AKAP8: variants seen among roughly 807,000 people sequenced by gnomAD.
The protein encoded by AKAP8 is A-kinase anchoring protein 8, also known as A-kinase anchor protein 8.
Under a neutral mutation model 67.5 loss-of-function variants are expected in AKAP8, and 24 were observed. The observed-to-expected ratio is 0.36, with a 90% CI of 0.26 to 0.50. The LOEUF (loss-of-function observed/expected upper bound fraction) is 0.50, where lower values mean the gene tolerates loss of function less well. Among genes scored for constraint, AKAP8 ranks in the 20% least tolerant of loss-of-function variants. The probability of loss-of-function intolerance (pLI) is 0.97; values close to 1 mark genes in which losing one functional copy is unlikely to be tolerated. For synonymous variants in AKAP8, 400 were observed against 371.1 expected, an observed-to-expected ratio of 1.08 and a Z score of -0.90; for missense variants, 971 against 955.9, an observed-to-expected ratio of 1.02 and a Z score of -0.21.
At chr19:15,356,526 G>A (rs1386495371) in intron 13 of AKAP8, among the ~76,000 whole-genome samples, 1 of 152,124 alleles carries the variant, frequency 6.6e-6, no homozygotes, top group African/African-American at 2.4e-5. Flanking sequence ...CACTTTGGGA[G>A]GCTGGGGCTG....
chr19:15,368,584 C>G, intron 8 of AKAP8: 1 of 985,278 alleles, frequency 1.0e-6, no homozygotes, highest in South Asian at 4.7e-5. Context: ...GCCTGCCCAC[C>G]CCATGTGCAC....
In AKAP8 at chr19:15,376,511, T is replaced by C. The variant is rs148020625; in HGVS notation, c.58+465A>G. On this transcript the variant is annotated intron_variant, in intron 2 of 13. Coordinates refer to ENST00000269701, the MANE Select transcript of AKAP8 (RefSeq NM_005858.4). ...AGAAAAAAAAATCATACTAATGAGATTTTTAGTACACTCACTACAGGTGTA... is the reference window on the plus strand; with the variant it reads ...AGAAAAAAAAATCATACTAATGAGACTTTTAGTACACTCACTACAGGTGTA... 5.9e-3 allele frequency among the ~76,000 whole-genome samples: 899 copies of C among 152,146 alleles called. 15 individuals carry two copies. Among genetic ancestry groups the C allele is most frequent in the African/African-American group, 0.021 (853 of 41,500 alleles).
intron 2 of AKAP8, among the ~76,000 whole-genome samples, chr19:15,374,892 C>T (rs953944286): frequency 1.3e-5 from 2 of 152,210 alleles, no homozygotes; most frequent in African/African-American, 4.8e-5. Context: ...CGCACGCTCC[C>T]CAGGAAGCTC....
Position 15,379,716 on chromosome 19 carries a change from C to T in AKAP8, c.16G>A (p.Gly6Arg), listed in dbSNP as rs1416686206. The change falls in exon 1 of 14, where the codon GGA (glycine) becomes AGA (arginine). Residue 6 changes from glycine to arginine, a missense_variant. Physicochemically the swap from Gly to Arg is moderately radical, Grantham distance 125. Around this residue, in one of 3 missense-constraint regions of AKAP8, gnomAD observed 763 missense variants for 745.4 expected, o/e 1.02. Coordinates refer to ENST00000269701, the MANE Select transcript of AKAP8 (RefSeq NM_005858.4). Reference protein sequence around the residue: MDQGYGGYGAWSAGPA... With the variant: MDQGYRGYGAWSAGPA... ...GCACCCAGCAGCCAACACAAACCTC[C>T]GTAGCCCTGGTCCATGTCTTCGACG... is the stretch of plus-strand genomic sequence containing the variant. The T allele has an allele frequency of 1.9e-6, 3 of 1,611,582 alleles. No individual in the cohort carries two copies. The highest frequency in any genetic ancestry group is 1.3e-5 in the African/African-American group (1 of 74,818).
At chr19:15,370,280 A>G in intron 7 of AKAP8, 101 bp from the exon 8 acceptor site, 1 of 1,374,504 alleles carries the variant, frequency 7.3e-7, no homozygotes, top group Non-Finnish European at 1.0e-6. Flanking sequence ...AGTCTCACCC[A>G]AGACCTAGGT....
At position 15,372,879 on chromosome 19, in the gene AKAP8, G is replaced by A. The variant is rs533862171; in HGVS notation, c.833C>T (p.Ser278Leu). The change falls in exon 5 of 14, where the codon TCG (serine) becomes TTG (leucine). Residue 278 changes from serine (S) to leucine (L), a missense_variant. Transcript: ENST00000269701. ...DSTMPYGCGR[S>L]QPRMRDRDRP... ...ATCCCGATCCCGCATCCGAGGCTGC[G>A]AGCGGCCACATCCGTAGGGCATGGT... 8.7e-6 allele frequency: 13 copies of A among 1,501,536 alleles called. No homozygotes were observed. Among genetic ancestry groups the A allele is most frequent in the Middle Eastern group, 1.8e-4 (1 of 5,542 alleles). 93.0% of individuals were successfully genotyped at this position (1,501,536 alleles called of 1,614,324 possible).
chr19:15,367,062 C>T (rs1484327052), intron 9 of AKAP8, among the ~76,000 whole-genome samples: 1 of 152,200 alleles, frequency 6.6e-6, no homozygotes, highest in Non-Finnish European at 1.5e-5. Context: ...CACCTGCCAC[C>T]ATGCCTGGCT....
intron 5 of AKAP8, among the ~76,000 whole-genome samples, chr19:15,372,636 G>C (rs1051139773): frequency 6.6e-6 from 1 of 152,086 alleles, no homozygotes; most frequent in Non-Finnish European, 1.5e-5. Context: ...AAGAGACAGG[G>C]GTGACTAATG....
At chr19:15,358,015 C>G (rs1251309707) in intron 13 of AKAP8, among the ~76,000 whole-genome samples, 2 of 152,132 alleles carry the variant, frequency 1.3e-5, no homozygotes, top group Non-Finnish European at 2.9e-5. Context: ...TATTTAGATT[C>G]TGTGCCTTTA....
At chr19:15,375,604 G>A (rs918056711) in intron 2 of AKAP8, among the ~76,000 whole-genome samples, 1 of 150,750 alleles carries the variant, frequency 6.6e-6, no homozygotes, top group Non-Finnish European at 1.5e-5. Flanking sequence ...CTGATTAATT[G>A]TAACAAATGC....
At position 15,353,725 on chromosome 19, in the gene AKAP8, C is replaced by T. The variant is rs149697325; in HGVS notation, c.*1190G>A. The T allele has an allele frequency of 4.6e-5, 7 of 152,124 alleles. No homozygotes were observed. The highest frequency in any genetic ancestry group is 1.4e-4 in the African/African-American group (6 of 41,498). The allele number at this position is 152,124 out of a possible 1,614,324, so 9.4% of individuals were successfully genotyped here. On this transcript the variant is annotated 3_prime_UTR_variant, in exon 14 of 14. Coordinates refer to ENST00000269701, the MANE Select transcript of AKAP8 (RefSeq NM_005858.4). ...ATGATTTCCCAGTGGCCAGCGTTTC[C>T]CAACATGTGAGATGTACAGTTCAAA...
At chr19:15,371,522 TC>T (rs961551963) in intron 7 of AKAP8, among the ~76,000 whole-genome samples, 41 of 151,448 alleles carry the variant, frequency 2.7e-4, no homozygotes, top group African/African-American at 9.7e-4. Context: ...GGAGTCTCCC[TC>T]TGTCGCCCAG....
Position 15,374,075 on chromosome 19 carries a change from G to T in AKAP8, c.92-10C>A, listed in dbSNP as rs1384105976. 1.5e-5 allele frequency: 23 copies of T among 1,537,940 alleles called. No homozygotes were observed. Among genetic ancestry groups the T allele is most frequent in the Middle Eastern group, 1.7e-4 (1 of 5,726 alleles). On this transcript the variant is annotated splice_polypyrimidine_tract_variant and intron_variant, in intron 3 of 13. Transcript: ENST00000269701. The stretch of plus-strand genomic sequence containing the variant: ...TTGTAGTTTTCATAACCTGTCACAG[G>T]GGGAGGAGCCAAGTCAGACTTCAGC...
rs778741136 is a variant in AKAP8, at chr19:15,355,335, T to C, written c.1659A>G (p.Pro553=). The change falls in exon 14 of 14, where the codon CCA becomes CCG. Residue 553 remains proline, a synonymous_variant. Transcript: ENST00000269701. ...CTAAATTGTCATCTCCTTCCATTTCTGGATCAACAGTTTCACTGGTGAAAG... is the reference window on the plus strand; with the variant it reads ...CTAAATTGTCATCTCCTTCCATTTCCGGATCAACAGTTTCACTGGTGAAAG... The part of the protein sequence containing the change: ...EDPFTSETVD[P]EMEGDDNLGG... 1.2e-6 allele frequency: 2 copies of C among 1,613,648 alleles called. No individual in the cohort carries two copies. Among genetic ancestry groups the C allele is most frequent in the Non-Finnish European group, 1.7e-6 (2 of 1,180,012 alleles).
chr19:15,370,756 C>T (rs776298342), intron 7 of AKAP8, among the ~76,000 whole-genome samples: 1 of 151,686 alleles, frequency 6.6e-6, no homozygotes, highest in Non-Finnish European at 1.5e-5. Flanking sequence ...CTCAGCCTCC[C>T]GAGTAGCTGG....
In AKAP8 at chr19:15,353,790, GGGGA is replaced by G. The variant is rs1327317935; in HGVS notation, c.*1121_*1124del. ...CTGACACAGCAGGGCCATTTCAAAA[GGGGA>G]GGATCTTCCAATTCTTCTGATTTTA... On this transcript the variant is annotated 3_prime_UTR_variant, in exon 14 of 14. Coordinates refer to ENST00000269701, the MANE Select transcript of AKAP8 (RefSeq NM_005858.4). 6.6e-6 allele frequency: 1 copy of G among 152,136 alleles called. No individual in the cohort carries two copies. Among genetic ancestry groups the G allele is most frequent in the African/African-American group, 2.4e-5 (1 of 41,438 alleles). The allele number at this position is 152,136 out of a possible 1,614,324, so 9.4% of individuals were successfully genotyped here. A position where few individuals can be genotyped will look rare whatever the true frequency, so the allele number is the denominator to read the frequency against.
At chr19:15,362,945 G>C (rs12986195) in intron 9 of AKAP8, among the ~76,000 whole-genome samples, 44 of 151,860 alleles carry the variant, frequency 2.9e-4, no homozygotes, top group South Asian at 1.2e-3. Flanking sequence ...TCACATCTGG[G>C]AAGTGAGGAG....
At chr19:15,360,729 G>A in intron 12 of AKAP8, 119 bp downstream of exon 12, 2 of 1,271,432 alleles carry the variant, frequency 1.6e-6, no homozygotes, top group Non-Finnish European at 2.1e-6. Flanking sequence ...CGATGGAAGT[G>A]ATAGACTTGA....
At chr19:15,371,233 TGGCTGAGGCACCTCCCCA>T (rs1967152190) in intron 7 of AKAP8, among the ~76,000 whole-genome samples, 1 of 152,034 alleles carries the variant, frequency 6.6e-6, no homozygotes, top group Admixed American at 6.6e-5. Context: ...TACACTGGGG[TGGCTGAGGCACCTCCCCA>T]AGAGCTTGGG....
Sources: gnomAD v4.1 joint callset for allele counts (sites outside exome capture counted in the v4.1 genomes callset) on GRCh38, gnomAD v4.1.1 for gene constraint, gnomAD v4.1.1 regional missense constraint, MANE v1.5 for transcripts, NCBI Gene and HGNC (gene_info 2026-07-23, HGNC 2026-07-21) for gene names.